Variants in ADCY8 observed in about 807,000 individuals in gnomAD.
ADCY8 encodes adenylate cyclase 8.
ADCY8 carries 51 observed loss-of-function variants against 119.7 expected under a neutral mutation model. That is an observed-to-expected ratio of 0.43 (90% CI 0.34 to 0.54). The LOEUF (loss-of-function observed/expected upper bound fraction) is 0.54, where lower values mean the gene tolerates loss of function less well. ADCY8 is among the 20% of genes least tolerant of loss of function. ADCY8 has a pLI of 0.03. For missense variants in ADCY8, 1,383 were observed against 1,598.8 expected (o/e 0.87, Z 2.30); for synonymous variants, 665 against 651.0 (o/e 1.02, Z -0.33).
chr8:131,032,594 C>A (rs1038060868), intron 1 of ADCY8, among the ~76,000 whole-genome samples: 1 of 152,070 alleles, frequency 6.6e-6, no homozygotes, highest in Non-Finnish European at 1.5e-5. Flanking sequence ...GTGCCTGGGC[C>A]TCCTGTGGAA....
intron 1 of ADCY8, among the ~76,000 whole-genome samples, chr8:131,025,537 T>C (rs961207950): frequency 9.9e-5 from 15 of 152,160 alleles, no homozygotes; most frequent in Admixed American, 6.5e-4. Context: ...TCCATTCCGG[T>C]GATATACAAA....
At position 130,780,361 on chromosome 8, in the gene ADCY8, C is replaced by CAA. The variant is rs5895055; in HGVS notation, c.*27_*28dup. ...ATTTATTTTATATATAAAAGAAATACAAAAAAAAAAAACAGAAAGAAAATG... is the reference window on the plus strand; with the variant it reads ...ATTTATTTTATATATAAAAGAAATACAAAAAAAAAAAAAACAGAAAGAAAATG... On this transcript the variant is annotated 3_prime_UTR_variant, in exon 18 of 18. Coordinates refer to ENST00000286355, the MANE Select transcript of ADCY8 (RefSeq NM_001115.3). The CAA allele has an allele frequency of 0.18, 218,218 of 1,242,374 alleles. 5,034 individuals are homozygous for CAA. Among genetic ancestry groups the CAA allele is most frequent in the African/African-American group, 0.32 (20,305 of 63,356 alleles). The allele number at this position is 1,242,374 out of a possible 1,614,324, so 77.0% of individuals were successfully genotyped here. A position where few individuals can be genotyped will look rare whatever the true frequency, so the allele number is the denominator to read the frequency against.
intron 1 of ADCY8, among the ~76,000 whole-genome samples, chr8:131,009,967 T>C (rs1020735251): frequency 1.3e-5 from 2 of 152,200 alleles, no homozygotes; most frequent in Non-Finnish European, 2.9e-5. Context: ...GAGATTACCA[T>C]ACCTAAATGC....
At chr8:130,859,450 C>T (rs537924474) in intron 9 of ADCY8, among the ~76,000 whole-genome samples, 1 of 152,286 alleles carries the variant, frequency 6.6e-6, no homozygotes, top group South Asian at 2.1e-4. Context: ...ATGGGAAATT[C>T]CTATATCAAC....
intron 12 of ADCY8, among the ~76,000 whole-genome samples, chr8:130,833,192 C>T (rs145232209): frequency 9.2e-5 from 14 of 152,176 alleles, no homozygotes; most frequent in African/African-American, 1.2e-4. Context: ...GATTTAAAAG[C>T]GGTGCACACA....
chr8:130,802,099 T>C (rs1405621074), intron 14 of ADCY8, among the ~76,000 whole-genome samples: 1 of 152,124 alleles, frequency 6.6e-6, no homozygotes, highest in Non-Finnish European at 1.5e-5. Flanking sequence ...TGTCTCATGC[T>C]TGGTTGCCCT....
At chr8:130,847,872 T>C (rs1199415022) in intron 10 of ADCY8, among the ~76,000 whole-genome samples, 3 of 152,134 alleles carry the variant, frequency 2.0e-5, no homozygotes, top group African/African-American at 7.2e-5. Flanking sequence ...TCATAGCCTG[T>C]CTCCAGATCA....
chr8:130,838,353 C>T (rs757943217), intron 11 of ADCY8, among the ~76,000 whole-genome samples: 2 of 152,188 alleles, frequency 1.3e-5, no homozygotes, highest in Non-Finnish European at 2.9e-5. Context: ...TTTCTGGTCT[C>T]AAATGGGATG....
intron 6 of ADCY8, among the ~76,000 whole-genome samples, chr8:130,905,041 C>A (rs1819735526): frequency 6.6e-6 from 1 of 152,182 alleles, no homozygotes; most frequent in Non-Finnish European, 1.5e-5. Flanking sequence ...TCTATCAGTC[C>A]ATTTTCTTAC....
intron 1 of ADCY8, among the ~76,000 whole-genome samples, chr8:131,027,450 A>G (rs1823855680): frequency 6.6e-6 from 1 of 152,184 alleles, no homozygotes; most frequent in South Asian, 2.1e-4. Flanking sequence ...AGCATATGGG[A>G]GAAGCTCCCA....
chr8:130,846,888 TTTCCTTCCTTCC>T (rs767208726), intron 11 of ADCY8, among the ~76,000 whole-genome samples: 32 of 19,850 alleles, frequency 1.6e-3, no homozygotes, highest in South Asian at 3.9e-3. Context: ...TTCCCTTCCC[TTTCCTTCCTTCC>T]TTCCTTCCTT....
intron 2 of ADCY8, among the ~76,000 whole-genome samples, chr8:130,988,542 T>C (rs748954885): frequency 2.0e-5 from 3 of 152,180 alleles, no homozygotes; most frequent in Non-Finnish European, 4.4e-5. Flanking sequence ...TTGGCCCATG[T>C]ATAAAAAAGG....
At chr8:130,802,583 C>G (rs1815815512) in intron 14 of ADCY8, among the ~76,000 whole-genome samples, 1 of 152,172 alleles carries the variant, frequency 6.6e-6, no homozygotes, top group South Asian at 2.1e-4. Context: ...ATATGCATGC[C>G]CCTGCCTCCA....
At chr8:130,945,773 G>A (rs1821089244) in intron 3 of ADCY8, among the ~76,000 whole-genome samples, 1 of 152,212 alleles carries the variant, frequency 6.6e-6, no homozygotes, top group African/African-American at 2.4e-5. Flanking sequence ...TGTTGATGAA[G>A]CCTGAACTGC....
intron 3 of ADCY8, 35 bp from the exon 4 acceptor site, chr8:130,943,497 G>GGGGGGGCCC: frequency 2.0e-6 from 1 of 491,350 alleles, no homozygotes; most frequent in Non-Finnish European, 4.2e-6. Context: ...GTGGGGGGAG[G>GGGGGGGCCC]AAGTATATTA....
intron 1 of ADCY8, among the ~76,000 whole-genome samples, chr8:131,019,869 C>CTT: frequency 6.6e-6 from 1 of 150,398 alleles, no homozygotes; most frequent in South Asian, 2.1e-4. Flanking sequence ...CTCTCTCTCT[C>CTT]TCAATAAGGG....
intron 5 of ADCY8, among the ~76,000 whole-genome samples, chr8:130,926,974 T>TTTTCTTTATCCA (rs1306277561): frequency 2.0e-5 from 3 of 150,910 alleles, no homozygotes; most frequent in African/African-American, 7.3e-5. Flanking sequence ...CACACCACAT[T>TTTTCTTTATCCA]TTTCTTTATC....
intron 3 of ADCY8, among the ~76,000 whole-genome samples, chr8:130,948,317 G>A (rs1021611833): frequency 1.3e-5 from 2 of 152,258 alleles, no homozygotes; most frequent in African/African-American, 4.8e-5. Context: ...TAGGTGGGAT[G>A]GAGAGCGTGA....
At chr8:130,975,440 G>C (rs1446986387) in intron 2 of ADCY8, among the ~76,000 whole-genome samples, 1 of 152,142 alleles carries the variant, frequency 6.6e-6, no homozygotes, top group South Asian at 2.1e-4. Context: ...CACAGTCTGT[G>C]GGGAATGCAG....
Sources: gnomAD v4.1 joint callset for allele counts (sites outside exome capture counted in the v4.1 genomes callset) on GRCh38, gnomAD v4.1.1 for gene constraint, MANE v1.5 for transcripts, NCBI Gene and HGNC (gene_info 2026-07-23, HGNC 2026-07-21) for gene names.